GAS7: variants seen among roughly 807,000 people sequenced by gnomAD.
GAS7 encodes growth arrest-specific protein 7.
A neutral mutation model predicts 71.1 loss-of-function variants in GAS7; 28 were observed. That is an observed-to-expected ratio of 0.39 (90% CI 0.29 to 0.54). The LOEUF is 0.54. Ranked by LOEUF, GAS7 falls within the 20% of genes least tolerant of loss-of-function variation. The pLI is 0.62. For synonymous variants in GAS7, 258 were observed against 245.8 expected, an observed-to-expected ratio of 1.05 and a Z score of -0.46; for missense variants, 436 against 627.8, an observed-to-expected ratio of 0.69 and a Z score of 3.27.
At chr17:9,924,420 G>A (rs2067923659) in intron 11 of GAS7, among the ~76,000 whole-genome samples, 1 of 152,044 alleles carries the variant, frequency 6.6e-6, no homozygotes, top group South Asian at 2.1e-4. Context: ...TGATCCTCCT[G>A]CCTCAGCCTC....
At chr17:10,184,243 C>T (rs1013907679) in intron 1 of GAS7, among the ~76,000 whole-genome samples, 4 of 152,296 alleles carry the variant, frequency 2.6e-5, no homozygotes, top group Admixed American at 6.5e-5. Flanking sequence ...CGGCTGAATC[C>T]TGCACTTCCT....
chr17:10,046,876 GGAAAAGAAAA>G (rs796639166), intron 1 of GAS7, among the ~76,000 whole-genome samples: 1 of 98,194 alleles, frequency 1.0e-5, no homozygotes, highest in South Asian at 2.8e-4. Flanking sequence ...GAAAAGAAAA[GGAAAAGAAAA>G]GAAAAGAAAA....
At chr17:10,096,352 G>A (rs923269564) in intron 1 of GAS7, among the ~76,000 whole-genome samples, 6 of 152,082 alleles carry the variant, frequency 3.9e-5, no homozygotes, top group African/African-American at 1.4e-4. Flanking sequence ...AGTTTTTTCT[G>A]TGCCTCCAAA....
intron 1 of GAS7, among the ~76,000 whole-genome samples, chr17:10,086,242 G>A (rs1238959351): frequency 6.6e-6 from 1 of 152,358 alleles, no homozygotes; most frequent in East Asian, 1.9e-4. Context: ...TGGCAACAAA[G>A]CATGCTCACT....
chr17:10,135,740 T>A (rs34586349), intron 1 of GAS7, among the ~76,000 whole-genome samples: 47,782 of 151,946 alleles, frequency 0.31, 9,286 homozygotes, highest in Non-Finnish European at 0.43. Flanking sequence ...ACTGCAGACA[T>A]CCACAGACCT....
Position 9,934,423 on chromosome 17 carries a change from T to A in GAS7, c.807-179A>T, listed in dbSNP as rs375335898. ...TCACGTTTCAACTCACAGAGTCAGA[T>A]GAGCCACCAAGGTCCAAGTGAGCTC... On this transcript the variant is annotated intron_variant, in intron 8 of 13. Coordinates refer to ENST00000432992, the MANE Select transcript of GAS7 (RefSeq NM_201433.2). Among the ~76,000 whole-genome samples the A allele has an allele frequency of 2.2e-4, 33 of 152,162 alleles. No homozygotes were observed. The South Asian group carries it at 3.5e-3, about 16-fold the overall frequency.
At chr17:10,131,026 C>T (rs780344422) in intron 1 of GAS7, among the ~76,000 whole-genome samples, 1 of 152,148 alleles carries the variant, frequency 6.6e-6, no homozygotes, top group Non-Finnish European at 1.5e-5. Flanking sequence ...TCCATAAAGC[C>T]GTTATCAAAA....
chr17:9,928,352 G>A (rs1375090262), intron 9 of GAS7, among the ~76,000 whole-genome samples: 1 of 150,322 alleles, frequency 6.7e-6, no homozygotes, highest in Non-Finnish European at 1.5e-5. Context: ...TCGATCTCCT[G>A]ACCTCGTGAT....
In GAS7 at chr17:10,035,615, G is replaced by A. The variant is rs571915918; in HGVS notation, c.184-15718C>T. 1.3e-4 allele frequency among the ~76,000 whole-genome samples: 20 copies of A among 152,266 alleles called. No individual in the cohort carries two copies. In the South Asian group the frequency reaches 4.1e-3, roughly 32 times the overall value. On this transcript the variant is annotated intron_variant, in intron 1 of 13. Coordinates refer to ENST00000432992, the MANE Select transcript of GAS7 (RefSeq NM_201433.2). ...GGAGGGAGACCATGTACCAAAACAG[G>A]CCAGCCTTTCCATGCAACCTGGACC...
Position 9,919,363 on chromosome 17 carries a change from A to G in GAS7, c.1218+263T>C, listed in dbSNP as rs1791924797. Among the ~76,000 whole-genome samples, 1 of 151,612 alleles carries G rather than the reference A, an allele frequency of 6.6e-6. No individual in the cohort carries two copies. Among genetic ancestry groups the G allele is most frequent in the African/African-American group, 2.4e-5 (1 of 41,210 alleles). On this transcript the variant is annotated intron_variant, in intron 12 of 13. Transcript: ENST00000432992. This position sits in a 1 kb window ranked among gnomAD's most constrained non-coding sequence, Gnocchi z 5.0. ...TGAGGAGAGTCCTCAGTTGACCCTGACCTCTCAGGGGACAGCCCAAGAAGG... is the reference window on the plus strand; with the variant it reads ...TGAGGAGAGTCCTCAGTTGACCCTGGCCTCTCAGGGGACAGCCCAAGAAGG...
At chr17:10,063,288 TTG>T (rs1470446608) in intron 1 of GAS7, among the ~76,000 whole-genome samples, 4 of 152,172 alleles carry the variant, frequency 2.6e-5, no homozygotes, top group African/African-American at 9.7e-5. Context: ...GCGCACGCGT[TTG>T]TGTGTCTGTG....
chr17:10,198,280 G>A lies in GAS7; in HGVS notation c.111C>T (p.Gly37=). Residue 37 remains glycine, a synonymous_variant, in exon 1 of 14, where the codon GGC becomes GGT. Transcript: ENST00000432992. ...ELITLLQVPD[G]GWWEGEKEDG... is the part of the protein sequence containing the mutation. ...CCTCCTTCTCGCCTTCCCACCAGCC[G>A]CCGTCCGGGACCTGCAGCAGCGTGA... 1 of 1,605,784 alleles carries A rather than the reference G, an allele frequency of 6.2e-7. No homozygotes were observed.
chr17:9,977,271 G>T (rs1215805054), intron 3 of GAS7, among the ~76,000 whole-genome samples: 1 of 152,142 alleles, frequency 6.6e-6, no homozygotes, highest in African/African-American at 2.4e-5. Flanking sequence ...AGCCACACAT[G>T]GCTAGTGGCT....
chr17:10,117,859 G>T (rs2073873857), intron 1 of GAS7, among the ~76,000 whole-genome samples: 1 of 152,182 alleles, frequency 6.6e-6, no homozygotes, highest in South Asian at 2.1e-4. Context: ...TGTTTTGCAA[G>T]AAGGGCCAAC....
At chr17:9,990,437 A>G (rs1051229632) in intron 2 of GAS7, among the ~76,000 whole-genome samples, 1 of 152,118 alleles carries the variant, frequency 6.6e-6, no homozygotes, top group Non-Finnish European at 1.5e-5. Flanking sequence ...CTCAAAAGTG[A>G]CACTCCATCA....
intron 4 of GAS7, among the ~76,000 whole-genome samples, chr17:9,964,284 C>T (rs1321954038): frequency 6.6e-6 from 1 of 152,090 alleles, no homozygotes; most frequent in Non-Finnish European, 1.5e-5. Flanking sequence ...AGGCCCCCGA[C>T]TCCAAATGTC....
At chr17:10,120,133 C>G (rs2073893264) in intron 1 of GAS7, among the ~76,000 whole-genome samples, 1 of 150,646 alleles carries the variant, frequency 6.6e-6, no homozygotes, top group South Asian at 2.1e-4. Flanking sequence ...CCCCCCCCAG[C>G]TCTGGACCCG....
intron 9 of GAS7, among the ~76,000 whole-genome samples, chr17:9,927,491 A>C (rs1403643412): frequency 1.4e-4 from 21 of 151,536 alleles, no homozygotes; most frequent in East Asian, 1.9e-4. Context: ...AAAAAAAAAA[A>C]CAAAACAAAC....
chr17:10,092,703 C>G (rs1361650152), intron 1 of GAS7, among the ~76,000 whole-genome samples: 1 of 152,180 alleles, frequency 6.6e-6, no homozygotes, highest in Non-Finnish European at 1.5e-5. Context: ...AGTCAAAAAT[C>G]AAGGTGTCAG....
Sources: allele counts gnomAD v4.1 joint callset (sites outside exome capture counted in the v4.1 genomes callset), GRCh38; gene constraint gnomAD v4.1.1; non-coding constraint Gnocchi (gnomAD v3.1); transcripts MANE v1.5; gene names NCBI Gene and HGNC (gene_info 2026-07-23, HGNC 2026-07-21).